Variants in SPR observed in about 807,000 individuals in gnomAD.
The protein encoded by SPR is Sepiapterin reductase (L-erythro-7,8-dihydrobiopterin forming).
In SPR, 12 loss-of-function variants were observed where a neutral mutation model predicts 16.0. The ratio of observed to expected loss-of-function variants is 0.75; its 90% CI spans 0.48 to 1.22. SPR has a LOEUF of 1.22. SPR is among the 50% of genes most tolerant of loss of function. The pLI is 0.00. For synonymous variants in SPR, 177 were observed against 168.5 expected, an observed-to-expected ratio of 1.05 and a Z score of -0.39; for missense variants, 324 against 344.4, an observed-to-expected ratio of 0.94 and a Z score of 0.47.
chr2:72,891,583 C>G lies in SPR; in HGVS notation c.*46C>G, dbSNP rs1670623347. 1.9e-6 allele frequency: 3 copies of G among 1,608,370 alleles called. No individual in the cohort carries two copies. The highest frequency in any genetic ancestry group is 2.2e-5 in the East Asian group (1 of 44,842). On this transcript the variant is annotated 3_prime_UTR_variant, in exon 3 of 3. Coordinates refer to ENST00000234454, the MANE Select transcript of SPR (RefSeq NM_003124.5). ...GAACCTTTTTGCCCCCACTTTTAGA[C>G]ATACCCCAGAGCCCTGTGGCTCCCC... is the stretch of plus-strand genomic sequence containing the variant.
At chr2:72,888,894 C>T (rs1379283026) in intron 2 of SPR, among the ~76,000 whole-genome samples, 1 of 152,154 alleles carries the variant, frequency 6.6e-6, no homozygotes, top group East Asian at 1.9e-4. Context: ...CCAGGCCTTC[C>T]TCATGTGAAA....
intron 1 of SPR, 74 bp downstream of exon 1, chr2:72,887,810 A>C (rs1670564060): frequency 7.2e-7 from 1 of 1,389,888 alleles, no homozygotes; most frequent in South Asian, 1.5e-5. Context: ...TTTAAGGGCT[A>C]CTCCTAGGGG....
At chr2:72,888,166 C>A in intron 1 of SPR, 148 bp from the exon 2 acceptor site, 1 of 822,862 alleles carries the variant, frequency 1.2e-6, no homozygotes, top group Non-Finnish European at 2.0e-6. Context: ...TTCCGCAGAG[C>A]TGGGGAAGAG....
Position 72,887,470 on chromosome 2 carries a change from C to T in SPR, c.38C>T (p.Thr13Ile), listed in dbSNP as rs1189166320. 4 of 1,507,704 alleles carry T rather than the reference C, an allele frequency of 2.7e-6. No homozygotes were observed. The highest frequency in any genetic ancestry group is 1.4e-5 in the African/African-American group (1 of 69,358). The allele number at this position is 1,507,704 out of a possible 1,614,324, so 93.4% of individuals were successfully genotyped here. ...CTGGGGCGTGCTGTGTGCTTGCTGA[C>T]CGGGGCCTCCCGCGGCTTCGGCCGG... ...GGLGRAVCLL[T>I]GASRGFGRTL... Residue 13 changes from threonine (T) to isoleucine (I), a missense_variant, in exon 1 of 3, where the codon ACC becomes ATC. Physicochemically the swap from Thr to Ile is moderately conservative, Grantham distance 89. Transcript: ENST00000234454.
intron 2 of SPR, 25 bp downstream of exon 2, chr2:72,888,629 T>C (rs199534152): frequency 6.3e-7 from 1 of 1,579,276 alleles, no homozygotes; most frequent in East Asian, 2.2e-5. Context: ...CTGCCGTCCC[T>C]GTCCTCCAGA....
intron 2 of SPR, 116 bp from the exon 3 acceptor site, chr2:72,891,231 A>T (rs1670617399): frequency 1.9e-6 from 2 of 1,053,056 alleles, no homozygotes; most frequent in Non-Finnish European, 2.9e-6. Context: ...AGCCAAGATG[A>T]CGTGTTTCCT....
At chr2:72,891,284 G>A (rs1670618156) in intron 2 of SPR, 63 bp from the exon 3 acceptor site, 2 of 1,583,188 alleles carry the variant, frequency 1.3e-6, no homozygotes, top group Non-Finnish European at 1.7e-6. Flanking sequence ...ATAAAACAGG[G>A]ACCTGAAACC....
intron 2 of SPR, 92 bp from the exon 3 acceptor site, chr2:72,891,255 A>ACTCAGC (rs1388465216): frequency 1.3e-5 from 18 of 1,386,300 alleles, no homozygotes; most frequent in Non-Finnish European, 1.7e-5. Context: ...GCCAGACCTG[A>ACTCAGC]CTCAGCCCCA....
chr2:72,889,481 C>A (rs1670589304), intron 2 of SPR, among the ~76,000 whole-genome samples: 1 of 152,164 alleles, frequency 6.6e-6, no homozygotes, highest in Admixed American at 6.5e-5. Flanking sequence ...ATGGCCTGCA[C>A]AAAGCACAGA....
At chr2:72,889,391 A>C (rs896361846) in intron 2 of SPR, among the ~76,000 whole-genome samples, 1 of 152,120 alleles carries the variant, frequency 6.6e-6, no homozygotes, top group Non-Finnish European at 1.5e-5. Context: ...CAGCCATGGA[A>C]AGCCTGAGCA....
In SPR at chr2:72,887,438, G is replaced by A. The variant is rs946094503; in HGVS notation, c.6G>A (p.Glu2=). M[E]GGLGRAVCLL... ...CGCCGGCGGAGAACAGGAGCATGGAGGGCGGGCTGGGGCGTGCTGTGTGCT... is the reference window on the plus strand; with the variant it reads ...CGCCGGCGGAGAACAGGAGCATGGAAGGCGGGCTGGGGCGTGCTGTGTGCT... Residue 2 remains glutamate, a synonymous_variant, in exon 1 of 3, where the codon GAG becomes GAA. Coordinates refer to ENST00000234454, the MANE Select transcript of SPR (RefSeq NM_003124.5). 4.7e-6 allele frequency: 7 copies of A among 1,495,218 alleles called. No individual in the cohort carries two copies. The highest frequency in any genetic ancestry group is 2.9e-5 in the East Asian group (1 of 34,328). 92.6% of individuals were successfully genotyped at this position (1,495,218 alleles called of 1,614,324 possible). A position where few individuals can be genotyped will look rare whatever the true frequency, so the allele number is the denominator to read the frequency against.
Position 72,891,603 on chromosome 2 carries a change from C to A in SPR, c.*66C>A. On this transcript the variant is annotated 3_prime_UTR_variant, in exon 3 of 3. Coordinates refer to ENST00000234454, the MANE Select transcript of SPR (RefSeq NM_003124.5). Reference sequence around the variant, plus strand: ...TTAGACATACCCCAGAGCCCTGTGGCTCCCCACACCCTGCCATAGGGGCAG... The same window carrying A: ...TTAGACATACCCCAGAGCCCTGTGGATCCCCACACCCTGCCATAGGGGCAG... 6.4e-7 allele frequency: 1 copy of A among 1,573,118 alleles called. No individual in the cohort carries two copies. The highest frequency in any genetic ancestry group is 8.7e-7 in the Non-Finnish European group (1 of 1,148,332).
chr2:72,888,178 G>C, intron 1 of SPR, 136 bp from the exon 2 acceptor site: 1 of 896,720 alleles, frequency 1.1e-6, no homozygotes, highest in South Asian at 1.4e-5. Flanking sequence ...GGGGAAGAGA[G>C]AAGCCTCTTC....
intron 2 of SPR, among the ~76,000 whole-genome samples, chr2:72,890,854 T>G (rs1418989516): frequency 6.6e-6 from 1 of 151,928 alleles, no homozygotes; most frequent in Non-Finnish European, 1.5e-5. Context: ...TGGGCCCCAG[T>G]GATGTTTTAG....
chr2:72,890,022 C>T (rs1670595923), intron 2 of SPR, among the ~76,000 whole-genome samples: 1 of 152,182 alleles, frequency 6.6e-6, no homozygotes, highest in African/African-American at 2.4e-5. Context: ...ATGAGTGATT[C>T]CTATGTGAAG....
Position 72,891,770 on chromosome 2 carries a change from G to A in SPR, c.*233G>A, listed in dbSNP as rs1670625602. The A allele has an allele frequency of 8.5e-6, 5 of 586,988 alleles. No homozygotes were observed. In the South Asian group the frequency reaches 9.9e-5, roughly 12 times the overall value. The allele number at this position is 586,988 out of a possible 1,614,324, so 36.4% of individuals were successfully genotyped here. The stretch of plus-strand genomic sequence containing the variant: ...GGTTATAAGGAGGCTTAGGAGAGAG[G>A]TTATGGGTATTGGTGTCTCTATCCC... On this transcript the variant is annotated 3_prime_UTR_variant, in exon 3 of 3. Transcript: ENST00000234454.
chr2:72,887,472 G>C lies in SPR; in HGVS notation c.40G>C (p.Gly14Arg), dbSNP rs1670556657. The part of the protein sequence containing the change: ...GLGRAVCLLT[G>R]ASRGFGRTLA... ...GGGGCGTGCTGTGTGCTTGCTGACC[G>C]GGGCCTCCCGCGGCTTCGGCCGGAC... The change falls in exon 1 of 3, where the codon GGG becomes CGG. Residue 14 changes from glycine to arginine, a missense_variant. Transcript: ENST00000234454. 7 of 1,507,290 alleles carry C rather than the reference G, an allele frequency of 4.6e-6. No homozygotes were observed. The highest frequency in any genetic ancestry group is 2.3e-4 in the Middle Eastern group (1 of 4,418). The allele number at this position is 1,507,290 out of a possible 1,614,324, so 93.4% of individuals were successfully genotyped here.
intron 1 of SPR, 138 bp downstream of exon 1, chr2:72,887,874 A>G: frequency 3.2e-6 from 3 of 943,442 alleles, no homozygotes; most frequent in Non-Finnish European, 4.4e-6. Flanking sequence ...TTGAGTAGCA[A>G]GTGGAGGCGA....
rs763505400 is a variant in SPR at position 72,887,471 on chromosome 2, C to T, written c.39C>T (p.Thr13=). 1.7e-5 allele frequency: 26 copies of T among 1,507,536 alleles called. No homozygotes were observed. The highest frequency in any genetic ancestry group is 2.2e-5 in the Non-Finnish European group (25 of 1,134,052). 93.4% of individuals were successfully genotyped at this position (1,507,536 alleles called of 1,614,324 possible). A position where few individuals can be genotyped will look rare whatever the true frequency, so the allele number is the denominator to read the frequency against. ...TGGGGCGTGCTGTGTGCTTGCTGAC[C>T]GGGGCCTCCCGCGGCTTCGGCCGGA... is the stretch of plus-strand genomic sequence containing the variant. The part of the protein sequence containing the change: ...GGLGRAVCLL[T]GASRGFGRTL... Residue 13 remains threonine, a synonymous_variant, in exon 1 of 3, where the codon ACC becomes ACT. Transcript: ENST00000234454.
Sources: allele counts gnomAD v4.1 joint callset (sites outside exome capture counted in the v4.1 genomes callset), GRCh38; gene constraint gnomAD v4.1.1; transcripts MANE v1.5; gene names NCBI Gene and HGNC (gene_info 2026-07-23, HGNC 2026-07-21).